Variants in FAM117B observed in about 807,000 individuals in gnomAD.
The protein encoded by FAM117B is family with sequence similarity 117 member B, also known as protein FAM117B.
FAM117B carries 22 observed loss-of-function variants against 52.8 expected under a neutral mutation model. The ratio of observed to expected loss-of-function variants is 0.42; its 90% CI spans 0.30 to 0.59. FAM117B has a LOEUF of 0.59. Ranked by LOEUF, FAM117B falls within the 20% of genes least tolerant of loss-of-function variation. The pLI is 0.22. For missense variants in FAM117B, 678 were observed against 802.6 expected (o/e 0.84, Z 1.88); for synonymous variants, 309 against 324.1 (o/e 0.95, Z 0.50).
At chr2:202,681,527 G>T (rs532619363) in intron 1 of FAM117B, among the ~76,000 whole-genome samples, 58 of 152,262 alleles carry the variant, frequency 3.8e-4, no homozygotes, top group African/African-American at 1.3e-3. Flanking sequence ...TCAGAGTAAG[G>T]CATATTACCA....
intron 1 of FAM117B, among the ~76,000 whole-genome samples, chr2:202,658,776 C>T (rs1041371010): frequency 6.6e-6 from 1 of 151,898 alleles, no homozygotes; most frequent in Non-Finnish European, 1.5e-5. Flanking sequence ...TTCACTGGCT[C>T]CTTTAGGAGT....
Position 202,768,814 on chromosome 2 carries a change from TAAAAG to T in FAM117B, c.*3054_*3058del. On this transcript the variant is annotated 3_prime_UTR_variant, in exon 8 of 8. Transcript: ENST00000392238. ...TTATAAAAATTTATTTCCATTGCAT[TAAAAG>T]AAATGGGTAGCATGTGTCTTTCAGA... The T allele has an allele frequency of 6.6e-6, 1 of 152,296 alleles. No homozygotes were observed. Among genetic ancestry groups the T allele is most frequent in the East Asian group, 1.9e-4 (1 of 5,192 alleles). The allele number at this position is 152,296 out of a possible 1,614,324, so 9.4% of individuals were successfully genotyped here. A position where few individuals can be genotyped will look rare whatever the true frequency, so the allele number is the denominator to read the frequency against.
chr2:202,671,170 A>C (rs1690294367), intron 1 of FAM117B, among the ~76,000 whole-genome samples: 1 of 152,216 alleles, frequency 6.6e-6, no homozygotes. Context: ...TTTGAGATTA[A>C]TGCTACATGG....
intron 1 of FAM117B, among the ~76,000 whole-genome samples, chr2:202,647,545 A>G (rs1689890066): frequency 6.6e-6 from 1 of 152,254 alleles, no homozygotes; most frequent in Admixed American, 6.5e-5. Context: ...CTTGTTAAAC[A>G]AGAAGAAGCT....
intron 2 of FAM117B, among the ~76,000 whole-genome samples, chr2:202,712,896 G>C (rs1350197900): frequency 6.6e-6 from 1 of 152,014 alleles, no homozygotes; most frequent in African/African-American, 2.4e-5. Context: ...AATTCCATTT[G>C]GTCATAATAA....
chr2:202,657,045 T>C (rs1490264847), intron 1 of FAM117B, among the ~76,000 whole-genome samples: 1 of 152,110 alleles, frequency 6.6e-6, no homozygotes. Context: ...GGATGTCTTA[T>C]AGACAGCGTA....
At chr2:202,638,081 C>T (rs900850901) in intron 1 of FAM117B, among the ~76,000 whole-genome samples, 17 of 152,144 alleles carry the variant, frequency 1.1e-4, no homozygotes, top group African/African-American at 3.9e-4. Flanking sequence ...TCTCCACATT[C>T]GTCAGGCTGG....
intron 1 of FAM117B, among the ~76,000 whole-genome samples, chr2:202,656,190 ACTTT>A (rs763221791): frequency 9.9e-5 from 15 of 151,982 alleles, no homozygotes; most frequent in Non-Finnish European, 2.2e-4. Context: ...AGTTTCATTT[ACTTT>A]CTTTGTTATT....
Position 202,635,770 on chromosome 2 carries a change from GC to G in FAM117B, c.587del (p.Pro196ArgfsTer50). ...RSSPEKRSPS[A>X]PVCKAGDKTR... ...CTCGCCGGAGAAGAGGAGCCCCAGCGCCCCGGTTTGCAAAGCAGGTAAGTGC... is the reference window on the plus strand; with the variant it reads ...CTCGCCGGAGAAGAGGAGCCCCAGCGCCCGGTTTGCAAAGCAGGTAAGTGC... On this transcript the variant is annotated frameshift_variant, in exon 1 of 8. Transcript: ENST00000392238. LOFTEE classifies it high-confidence loss of function. 1.4e-6 allele frequency: 2 copies of G among 1,453,558 alleles called. No homozygotes were observed. 90.0% of individuals were successfully genotyped at this position (1,453,558 alleles called of 1,614,324 possible).
At chr2:202,696,415 TA>T (rs1014899304) in intron 2 of FAM117B, among the ~76,000 whole-genome samples, 13 of 152,022 alleles carry the variant, frequency 8.6e-5, no homozygotes, top group African/African-American at 3.1e-4. Context: ...CTAATGAGCT[TA>T]AAAAAAATTG....
At chr2:202,671,054 A>G (rs1422386004) in intron 1 of FAM117B, among the ~76,000 whole-genome samples, 2 of 152,230 alleles carry the variant, frequency 1.3e-5, no homozygotes, top group Non-Finnish European at 1.5e-5. Flanking sequence ...CTTCAGTTTC[A>G]TATCCAAAGA....
intron 2 of FAM117B, among the ~76,000 whole-genome samples, chr2:202,714,199 T>C (rs958446731): frequency 2.0e-5 from 3 of 152,210 alleles, no homozygotes; most frequent in South Asian, 2.1e-4. Context: ...TTTTTCAGAA[T>C]GTGTTAAGAC....
At chr2:202,691,702 C>T (rs975928520) in intron 1 of FAM117B, among the ~76,000 whole-genome samples, 34 of 119,966 alleles carry the variant, frequency 2.8e-4, no homozygotes, top group Admixed American at 1.9e-3. Flanking sequence ...TGTGTGTGCG[C>T]GCGCGCCTCC....
intron 1 of FAM117B, among the ~76,000 whole-genome samples, chr2:202,664,631 A>T (rs1264094383): frequency 6.6e-6 from 1 of 152,254 alleles, no homozygotes; most frequent in Non-Finnish European, 1.5e-5. Context: ...ATTAAGAGTC[A>T]TGCAAGTACA....
rs188189780 is a variant in FAM117B at position 202,635,054 on chromosome 2, C to T, written c.-134C>T. The T allele has an allele frequency of 1.0e-5, 12 of 1,169,604 alleles. No homozygotes were observed. In the South Asian group the frequency reaches 3.2e-4, roughly 31 times the overall value. The allele number at this position is 1,169,604 out of a possible 1,614,324, so 72.5% of individuals were successfully genotyped here. On this transcript the variant is annotated 5_prime_UTR_variant, in exon 1 of 8. Transcript: ENST00000392238. ...GTTGCTGCCTGCCCCGGCCCGGTCT[C>T]CCCCTGCACCCCGGAGTCCGGCTTC...
chr2:202,689,945 GA>G (rs961959585), intron 1 of FAM117B, among the ~76,000 whole-genome samples: 1 of 150,350 alleles, frequency 6.7e-6, no homozygotes, highest in Non-Finnish European at 1.5e-5. Flanking sequence ...CTGTCTCCAA[GA>G]AAAAAAAAGT....
intron 4 of FAM117B, among the ~76,000 whole-genome samples, chr2:202,750,775 G>A (rs1691709389): frequency 6.6e-6 from 1 of 152,182 alleles, no homozygotes; most frequent in Admixed American, 6.5e-5. Context: ...CTGTTCCCAG[G>A]TGTAGCTTGC....
In FAM117B at chr2:202,759,379, C is replaced by CAA; in HGVS notation, c.1451+32_1451+33dup. 3 of 1,584,338 alleles carry CAA rather than the reference C, an allele frequency of 1.9e-6. No individual in the cohort carries two copies. In the Admixed American group the frequency reaches 5.8e-5, roughly 31 times the overall value. ...GTAAGTATCCCTTCCACCATCCCCA[C>CAA]AAAAAAACTATTATGAGCTTTTTTT... On this transcript the variant is annotated intron_variant, in intron 7 of 7. Transcript: ENST00000392238.
chr2:202,635,661 C>A lies in FAM117B; in HGVS notation c.474C>A (p.Thr158=). Residue 158 remains threonine (T), a synonymous_variant, in exon 1 of 8, where the codon ACC becomes ACA. Coordinates refer to ENST00000392238, the MANE Select transcript of FAM117B (RefSeq NM_173511.4). The part of the protein sequence containing the change: ...GTVSSPSSSP[T]HLWTGEVSAA... Reference sequence around the variant, plus strand: ...TGTCGTCGCCCAGCTCGTCGCCCACCCACCTGTGGACCGGCGAGGTGAGCG... The same window carrying A: ...TGTCGTCGCCCAGCTCGTCGCCCACACACCTGTGGACCGGCGAGGTGAGCG... 7.3e-7 allele frequency: 1 copy of A among 1,368,632 alleles called. No individual in the cohort carries two copies. Among genetic ancestry groups the A allele is most frequent in the Non-Finnish European group, 9.4e-7 (1 of 1,062,460 alleles). The allele number at this position is 1,368,632 out of a possible 1,614,324, so 84.8% of individuals were successfully genotyped here.
Sources: gnomAD v4.1 joint callset for allele counts (sites outside exome capture counted in the v4.1 genomes callset) on GRCh38, gnomAD v4.1.1 for gene constraint, MANE v1.5 for transcripts, NCBI Gene and HGNC (gene_info 2026-07-23, HGNC 2026-07-21) for gene names.